Variants in ZPBP observed in about 807,000 individuals in gnomAD.
ZPBP encodes zona pellucida-binding protein 1.
Under a neutral mutation model 44.8 loss-of-function variants are expected in ZPBP, and 26 were observed. The ratio of observed to expected loss-of-function variants is 0.58; its 90% CI spans 0.43 to 0.81. The LOEUF (loss-of-function observed/expected upper bound fraction) is 0.81. Ranked by LOEUF, ZPBP falls within the 30% of genes least tolerant of loss-of-function variation. The pLI is 0.00. For missense variants in ZPBP, 409 were observed against 434.0 expected, an observed-to-expected ratio of 0.94 and a Z score of 0.51; for synonymous variants, 174 against 153.2, an observed-to-expected ratio of 1.14 and a Z score of -1.00.
At chr7:49,889,253 T>A (rs1792029428) in intron 2 of ZPBP, among the ~76,000 whole-genome samples, 1 of 152,240 alleles carries the variant, frequency 6.6e-6, no homozygotes, top group Admixed American at 6.5e-5. Context: ...TTTCCTGGTG[T>A]TGCCATTTTT....
At chr7:50,044,220 T>C (rs7801312) in intron 4 of ZPBP, among the ~76,000 whole-genome samples, 152,109 of 152,302 alleles carry the variant, frequency 1, 75,958 homozygotes, top group Middle Eastern at 1. Flanking sequence ...CAGGAAAGAT[T>C]TAAAATTGAC....
intron 5 of ZPBP, among the ~76,000 whole-genome samples, chr7:50,027,590 G>A (rs1373681399): frequency 6.6e-6 from 1 of 151,692 alleles, no homozygotes; most frequent in Non-Finnish European, 1.5e-5. Flanking sequence ...ATTAAAACCA[G>A]AGGTAGCAAA....
chr7:49,891,158 A>G (rs1014375754), intron 2 of ZPBP, among the ~76,000 whole-genome samples: 22 of 152,218 alleles, frequency 1.4e-4, no homozygotes, highest in African/African-American at 5.3e-4. Context: ...TGTTGAATGT[A>G]AAAAGATACA....
intron 7 of ZPBP, among the ~76,000 whole-genome samples, chr7:49,949,405 G>A (rs1395260549): frequency 6.6e-6 from 1 of 152,030 alleles, no homozygotes; most frequent in Non-Finnish European, 1.5e-5. Context: ...GTGAATAAAT[G>A]AAAAACAAAA....
At position 50,027,786 on chromosome 7, in the gene ZPBP, C is replaced by A. The variant is rs543800784; in HGVS notation, c.706+3306G>T. ...AGGATAACAAGAGAACAATATAAAC[C>A]ATTGTAGGCCAATAAATTAAGTAAC... On this transcript the variant is annotated intron_variant, in intron 5 of 7. Coordinates refer to ENST00000046087, the MANE Select transcript of ZPBP (RefSeq NM_007009.3). Among the ~76,000 whole-genome samples the A allele has an allele frequency of 2.4e-4, 37 of 151,932 alleles. No individual in the cohort carries two copies. The South Asian group carries it at 7.5e-3, about 31-fold the overall frequency.
chr7:49,942,203 C>G (rs10277762), intron 7 of ZPBP: 1 of 42,212 alleles, frequency 2.4e-5, no homozygotes, highest in African/African-American at 4.0e-5. Flanking sequence ...AATGATTTCT[C>G]TTTTTTTGCA....
chr7:49,906,317 T>C (rs1194339689), intron 1 of ZPBP, among the ~76,000 whole-genome samples: 2 of 152,108 alleles, frequency 1.3e-5, no homozygotes, highest in Admixed American at 6.5e-5. Flanking sequence ...AAGAATATAG[T>C]AAATATTAAC....
At chr7:50,090,789 C>A (rs1033790753) in intron 1 of ZPBP, among the ~76,000 whole-genome samples, 1 of 151,920 alleles carries the variant, frequency 6.6e-6, no homozygotes, top group Non-Finnish European at 1.5e-5. Flanking sequence ...TGTGCAAGTA[C>A]CTTTTTCATA....
chr7:50,004,423 T>C (rs1798220520), intron 6 of ZPBP, among the ~76,000 whole-genome samples: 1 of 151,290 alleles, frequency 6.6e-6, no homozygotes, highest in Non-Finnish European at 1.5e-5. Context: ...GAGTCTTTCA[T>C]TCTAGGACTG....
chr7:49,953,269 A>T (rs746434529), intron 7 of ZPBP, among the ~76,000 whole-genome samples: 14 of 152,160 alleles, frequency 9.2e-5, no homozygotes, highest in Admixed American at 8.5e-4. Flanking sequence ...CCCGGAGATT[A>T]GTAGAATATT....
At chr7:49,857,806 C>T (rs1342780199) in intron 2 of ZPBP, among the ~76,000 whole-genome samples, 2 of 152,070 alleles carry the variant, frequency 1.3e-5, no homozygotes, top group African/African-American at 4.8e-5. Flanking sequence ...GGTATAAATC[C>T]ATAAAAAGTG....
At chr7:49,912,274 A>G in intron 1 of ZPBP, 2 of 1,379,342 alleles carry the variant, frequency 1.4e-6, no homozygotes, top group Non-Finnish European at 1.9e-6. Context: ...TCAGTCAAAG[A>G]AGACTTTTGA....
At chr7:49,862,410 C>T (rs537503116) in intron 2 of ZPBP, among the ~76,000 whole-genome samples, 4 of 152,202 alleles carry the variant, frequency 2.6e-5, no homozygotes, top group South Asian at 4.1e-4. Flanking sequence ...TCATACTAAC[C>T]GTGAATAGAG....
At chr7:49,860,986 C>A (rs1322010877) in intron 2 of ZPBP, among the ~76,000 whole-genome samples, 2 of 152,170 alleles carry the variant, frequency 1.3e-5, no homozygotes, top group Non-Finnish European at 2.9e-5. Context: ...TTTAAGCAAA[C>A]CAGTCTGTGG....
At chr7:49,882,030 C>T (rs147486511) in intron 2 of ZPBP, among the ~76,000 whole-genome samples, 82 of 151,884 alleles carry the variant, frequency 5.4e-4, no homozygotes, top group Middle Eastern at 6.8e-3. Flanking sequence ...AGCACCCAAG[C>T]GCCATCTGCC....
chr7:49,982,207 A>ATTTATAT lies in ZPBP; in HGVS notation c.961+1134_961+1135insATATAAA, dbSNP rs1562821213. Among the ~76,000 whole-genome samples, 6 of 44,732 alleles carry ATTTATAT rather than the reference A, an allele frequency of 1.3e-4. No homozygotes were observed. In the East Asian group the frequency reaches 2.2e-3, roughly 16 times the overall value. The allele number at this position is 44,732 out of a possible 152,430, so 29.3% of individuals were successfully genotyped here. A position where few individuals can be genotyped will look rare whatever the true frequency, so the allele number is the denominator to read the frequency against. ...TTATTATTATATATATTTATTATAT[A>ATTTATAT]TATATATAATGTAATATATAATATA... On this transcript the variant is annotated intron_variant, in intron 7 of 7. Coordinates refer to ENST00000046087, the MANE Select transcript of ZPBP (RefSeq NM_007009.3).
rs150572697 is a variant in ZPBP at position 49,942,455 on chromosome 7, C to G, written c.962-4833G>C. ...TGAATATTCCTCTTCCCTCTGTGTTCTGCTTATTTCCTTTTTTGGTAAATG... is the reference window on the plus strand; with the variant it reads ...TGAATATTCCTCTTCCCTCTGTGTTGTGCTTATTTCCTTTTTTGGTAAATG... On this transcript the variant is annotated intron_variant, in intron 7 of 7. Transcript: ENST00000046087. The G allele has an allele frequency of 2.7e-4, 42 of 154,440 alleles. No homozygotes were observed. The East Asian group carries it at 7.1e-3, about 26-fold the overall frequency. The allele number at this position is 154,440 out of a possible 1,614,324, so 9.6% of individuals were successfully genotyped here.
intron 2 of ZPBP, among the ~76,000 whole-genome samples, chr7:49,859,445 A>T (rs1790558420): frequency 6.6e-6 from 1 of 152,142 alleles, no homozygotes; most frequent in Non-Finnish European, 1.5e-5. Context: ...AATGGAGATG[A>T]TACTGATTTT....
intron 1 of ZPBP, chr7:49,918,250 T>A (rs1483543611): frequency 1.3e-5 from 2 of 152,198 alleles, no homozygotes; most frequent in Non-Finnish European, 2.9e-5. Context: ...AATGAGAGGC[T>A]GAGTTAAGAA....
Sources: allele counts gnomAD v4.1 joint callset (sites outside exome capture counted in the v4.1 genomes callset), GRCh38; gene constraint gnomAD v4.1.1; transcripts MANE v1.5; gene names NCBI Gene and HGNC (gene_info 2026-07-23, HGNC 2026-07-21).